PLAGL1: variants seen among roughly 807,000 people sequenced by gnomAD.
PLAGL1 encodes the protein zinc finger protein PLAGL1.
PLAGL1 carries 1 observed loss-of-function variant against 4.6 expected under a neutral mutation model. The ratio of observed to expected loss-of-function variants is 0.22; its 90% CI spans 0.08 to 1.03. The LOEUF (loss-of-function observed/expected upper bound fraction) is 1.03, where lower values mean the gene tolerates loss of function less well. Among genes scored for constraint, PLAGL1 ranks in the 50% least tolerant of loss-of-function variants. The pLI is 0.58. For missense variants in PLAGL1, 464 were observed against 570.4 expected (o/e 0.81, Z 1.90); for synonymous variants, 240 against 237.8 (o/e 1.01, Z -0.08).
rs1056159518 is a variant in PLAGL1, at chr6:143,990,550, A to C, written c.-583-5376T>G. Among the ~76,000 whole-genome samples, 4 of 152,096 alleles carry C rather than the reference A, an allele frequency of 2.6e-5. No homozygotes were observed. The highest frequency in any genetic ancestry group is 2.9e-5 in the Non-Finnish European group (2 of 68,012). On this transcript the variant is annotated intron_variant, in intron 1 of 7. Coordinates refer to ENST00000674357, the MANE Select transcript of PLAGL1 (RefSeq NM_001317162.2). This position sits in a 1 kb window ranked among gnomAD's most constrained non-coding sequence, Gnocchi z 5.4. ...ATCCCCATTTCCTTACCTCCCACTC[A>C]CTTTCCAACCCATTCCCCAGGCTCT...
chr6:144,020,905 T>C (rs986139568), intron 1 of PLAGL1, among the ~76,000 whole-genome samples: 1 of 146,966 alleles, frequency 6.8e-6, no homozygotes, highest in Non-Finnish European at 1.5e-5. Context: ...ATAATATAAA[T>C]ATATTTAATA....
At chr6:143,992,435 T>C (rs1562516922) in intron 1 of PLAGL1, among the ~76,000 whole-genome samples, 1 of 152,232 alleles carries the variant, frequency 6.6e-6, no homozygotes, top group Non-Finnish European at 1.5e-5. Flanking sequence ...GGGGATGGCT[T>C]GTTAGCACAA....
chr6:143,999,454 C>A (rs11756447), intron 1 of PLAGL1, among the ~76,000 whole-genome samples: 1 of 152,172 alleles, frequency 6.6e-6, no homozygotes, highest in South Asian at 2.1e-4. Context: ...ATATAAAACA[C>A]GCAGAAAAGC....
rs1383329373 is a variant in PLAGL1, at chr6:143,997,351, A to G, written c.-584+10739T>C. On this transcript the variant is annotated intron_variant, in intron 1 of 7. Transcript: ENST00000674357. The surrounding 1 kb of genome is among the most constrained non-coding windows in gnomAD (Gnocchi z 4.6). ...GTGAATGAGTATTCACAGCAGGTCT[A>G]TTTGTAAGAACCCAAACTAGAACAC... is the stretch of plus-strand genomic sequence containing the variant. Among the ~76,000 whole-genome samples, 1 of 152,220 alleles carries G rather than the reference A, an allele frequency of 6.6e-6. No individual in the cohort carries two copies. Among genetic ancestry groups the G allele is most frequent in the African/African-American group, 2.4e-5 (1 of 41,462 alleles).
In PLAGL1 at chr6:143,982,270, C is replaced by A. The variant is rs1437674743; in HGVS notation, c.-544+2865G>T. On this transcript the variant is annotated intron_variant, in intron 2 of 7. Coordinates refer to ENST00000674357, the MANE Select transcript of PLAGL1 (RefSeq NM_001317162.2). The surrounding 1 kb of genome is among the most constrained non-coding windows in gnomAD (Gnocchi z 5.3). ...GAAAAAGGCATGGGTGAGAGGATGA[C>A]AATTTAGGGAGGATCTGAAGGAGGT... Among the ~76,000 whole-genome samples, 1 of 151,958 alleles carries A rather than the reference C, an allele frequency of 6.6e-6. No homozygotes were observed. The highest frequency in any genetic ancestry group is 6.6e-5 in the Admixed American group (1 of 15,258).
rs562903751 is a variant in PLAGL1 at position 144,030,704 on chromosome 6, C to T, written c.-151+33764G>A. On this transcript the variant is annotated intron_variant, in intron 1 of 3. Coordinates refer to the PLAGL1 transcript ENST00000437412. ...TTCCTTTTTATGGCTGAGTAGCAGTCCATGGTATACATACACCACATTTGC... is the reference window on the plus strand; with the variant it reads ...TTCCTTTTTATGGCTGAGTAGCAGTTCATGGTATACATACACCACATTTGC... Among the ~76,000 whole-genome samples the T allele has an allele frequency of 4.6e-5, 7 of 152,320 alleles. No individual in the cohort carries two copies. In the South Asian group the frequency reaches 1.4e-3, roughly 32 times the overall value.
At position 143,958,054 on chromosome 6, in the gene PLAGL1, A is replaced by C. The variant is rs1782542985; in HGVS notation, c.-325+2415T>G. 6.6e-6 allele frequency among the ~76,000 whole-genome samples: 1 copy of C among 152,214 alleles called. No homozygotes were observed. Among genetic ancestry groups the C allele is most frequent in the Non-Finnish European group, 1.5e-5 (1 of 68,036 alleles). Reference sequence around the variant, plus strand: ...GAAGCAGCATAGGGCAATGTGGAACACGTGGTGCAGCCTGGCTGGGATGGG... The same window carrying C: ...GAAGCAGCATAGGGCAATGTGGAACCCGTGGTGCAGCCTGGCTGGGATGGG... On this transcript the variant is annotated intron_variant, in intron 6 of 7. Transcript: ENST00000674357. The surrounding 1 kb of genome is among the most constrained non-coding windows in gnomAD (Gnocchi z 5.1).
intron 1 of PLAGL1, among the ~76,000 whole-genome samples, chr6:144,028,344 A>G (rs978213910): frequency 6.6e-6 from 1 of 152,200 alleles, no homozygotes; most frequent in Non-Finnish European, 1.5e-5. Context: ...AAGGGTAAAC[A>G]CATTTGTCAA....
intron 1 of PLAGL1, among the ~76,000 whole-genome samples, chr6:143,988,740 C>G (rs1789747909): frequency 6.6e-6 from 1 of 152,148 alleles, no homozygotes; most frequent in South Asian, 2.1e-4. Flanking sequence ...GGAACCTCCT[C>G]CAACTGTCTA....
At chr6:144,009,345 T>C (rs1794949076), upstream of PLAGL1, among the ~76,000 whole-genome samples, 1 of 152,228 alleles carries the variant, frequency 6.6e-6, no homozygotes, top group African/African-American at 2.4e-5. Flanking sequence ...ATTTAGTTCT[T>C]GATGGACTTC....
chr6:144,011,970 G>C (rs952778719), upstream of PLAGL1, among the ~76,000 whole-genome samples: 2 of 152,120 alleles, frequency 1.3e-5, no homozygotes, highest in Admixed American at 1.3e-4. The surrounding 1 kb of genome is among the most constrained non-coding windows in gnomAD (Gnocchi z 4.3). Flanking sequence ...TTCCACATTG[G>C]GGGACGTTTG....
chr6:143,989,611 C>T lies in PLAGL1; in HGVS notation c.-583-4437G>A, dbSNP rs117683897. On this transcript the variant is annotated intron_variant, in intron 1 of 7. Transcript: ENST00000674357. This position sits in a 1 kb window ranked among gnomAD's most constrained non-coding sequence, Gnocchi z 4.8. Reference sequence around the variant, plus strand: ...ACCAGAATCACACCACCAGCTTTCCCGAGTCTCCAGCTTGCAGACAGTTGA... The same window carrying T: ...ACCAGAATCACACCACCAGCTTTCCTGAGTCTCCAGCTTGCAGACAGTTGA... Among the ~76,000 whole-genome samples the T allele has an allele frequency of 1.9e-3, 296 of 152,324 alleles. 4 individuals are homozygous for T. The highest frequency in any genetic ancestry group is 0.014 in the East Asian group (73 of 5,178).
chr6:144,025,647 T>C (rs1279625932), intron 1 of PLAGL1, among the ~76,000 whole-genome samples: 1 of 152,130 alleles, frequency 6.6e-6, no homozygotes, highest in Non-Finnish European at 1.5e-5. Flanking sequence ...CCTAGCACTT[T>C]GGGAGGCTGA....
chr6:143,946,492 G>C (rs78343481), intron 7 of PLAGL1, among the ~76,000 whole-genome samples: 1 of 152,176 alleles, frequency 6.6e-6, no homozygotes, highest in Non-Finnish European at 1.5e-5. Flanking sequence ...ACTTCTACTC[G>C]TGACAGCTAG....
In PLAGL1 at chr6:144,055,231, T is replaced by C. The variant is rs1030145518; in HGVS notation, c.-151+9237A>G. Among the ~76,000 whole-genome samples the C allele has an allele frequency of 2.0e-5, 3 of 152,160 alleles. No individual in the cohort carries two copies. The highest frequency in any genetic ancestry group is 4.8e-5 in the African/African-American group (2 of 41,424). ...AACACACTTACCCAGAAACACAGTG[T>C]GTTCGACAGAGAAGAAAGCTTACCG... On this transcript the variant is annotated intron_variant, in intron 1 of 3. Transcript: ENST00000437412. The surrounding 1 kb of genome is among the most constrained non-coding windows in gnomAD (Gnocchi z 5.0).
In PLAGL1 at chr6:144,000,252, ACT is replaced by A. The variant is rs1203791120; in HGVS notation, c.-584+7836_-584+7837del. 6.6e-6 allele frequency among the ~76,000 whole-genome samples: 1 copy of A among 152,170 alleles called. No individual in the cohort carries two copies. The highest frequency in any genetic ancestry group is 2.4e-5 in the African/African-American group (1 of 41,454). Reference sequence around the variant, plus strand: ...GATCAGTACCACTATTCTTCATTGTACTGGTTGTCCTAGCCAGTGAAATTAGA... The same window carrying A: ...GATCAGTACCACTATTCTTCATTGTAGGTTGTCCTAGCCAGTGAAATTAGA... On this transcript the variant is annotated intron_variant, in intron 1 of 7. Coordinates refer to ENST00000674357, the MANE Select transcript of PLAGL1 (RefSeq NM_001317162.2). The surrounding 1 kb of genome is among the most constrained non-coding windows in gnomAD (Gnocchi z 4.1).
chr6:144,021,237 C>G (rs1795958250), intron 1 of PLAGL1, among the ~76,000 whole-genome samples: 1 of 152,090 alleles, frequency 6.6e-6, no homozygotes, highest in Admixed American at 6.6e-5. Context: ...AAAAGGACTT[C>G]ACATGCTGGA....
Position 143,990,562 on chromosome 6 carries a change from A to G in PLAGL1, c.-583-5388T>C, listed in dbSNP as rs774608683. Among the ~76,000 whole-genome samples the G allele has an allele frequency of 1.3e-5, 2 of 152,160 alleles. No homozygotes were observed. Among genetic ancestry groups the G allele is most frequent in the Non-Finnish European group, 2.9e-5 (2 of 68,026 alleles). On this transcript the variant is annotated intron_variant, in intron 1 of 7. Transcript: ENST00000674357. The surrounding 1 kb of genome is among the most constrained non-coding windows in gnomAD (Gnocchi z 5.4). ...TTACCTCCCACTCACTTTCCAACCC[A>G]TTCCCCAGGCTCTTATCTCTACCAC...
At chr6:144,062,061 A>T (rs1380464479) in intron 1 of PLAGL1, among the ~76,000 whole-genome samples, 2 of 152,220 alleles carry the variant, frequency 1.3e-5, no homozygotes, top group Non-Finnish European at 2.9e-5. Context: ...ATGAAATGAC[A>T]GAATGCTTAG....
Sources: allele counts gnomAD v4.1 joint callset (sites outside exome capture counted in the v4.1 genomes callset), GRCh38; gene constraint gnomAD v4.1.1; non-coding constraint Gnocchi (gnomAD v3.1); transcripts MANE v1.5; gene names NCBI Gene and HGNC (gene_info 2026-07-23, HGNC 2026-07-21).